DBF4: variants seen among roughly 807,000 people sequenced by gnomAD.
The protein encoded by DBF4 is protein DBF4 homolog A.
In DBF4, 25 loss-of-function variants were observed where a neutral mutation model predicts 76.6. The observed-to-expected ratio is 0.33, with a 90% confidence interval of 0.24 to 0.46. The LOEUF (loss-of-function observed/expected upper bound fraction) is 0.46, where lower values mean the gene tolerates loss of function less well. Among genes scored for constraint, DBF4 ranks in the 20% least tolerant of loss-of-function variants. DBF4 has a pLI of 1.00. For synonymous variants in DBF4, 213 were observed against 258.0 expected (o/e 0.83, Z 1.67); for missense variants, 638 against 760.8 (o/e 0.84, Z 1.90).
At chr7:87,886,439 G>A (rs1839353798) in intron 3 of DBF4, among the ~76,000 whole-genome samples, 1 of 149,734 alleles carries the variant, frequency 6.7e-6, no homozygotes, top group African/African-American at 2.5e-5. Context: ...GGAGGCTGGG[G>A]CAGGAGAATC....
chr7:87,907,327 T>A lies in DBF4; in HGVS notation c.1189T>A (p.Phe397Ile). The A allele has an allele frequency of 6.2e-7, 1 of 1,614,014 alleles. No individual in the cohort carries two copies. The highest frequency in any genetic ancestry group is 8.5e-7 in the Non-Finnish European group (1 of 1,179,932). The change falls in exon 12 of 12, where the codon TTC becomes ATC. Residue 397 changes from phenylalanine (F) to isoleucine (I), a missense_variant. Transcript: ENST00000265728. ...TGATACAACAGTGAAGGAGCAGAAT[T>A]TCCTGTATAAAGAGACCCAGGAAAC... ...EDDTTVKEQN[F>I]LYKETQETEK...
Position 87,907,332 on chromosome 7 carries a change from G to C in DBF4, c.1194G>C (p.Leu398=), listed in dbSNP as rs1463657546. The change falls in exon 12 of 12, where the codon CTG becomes CTC. Residue 398 remains leucine (L), a synonymous_variant. Coordinates refer to ENST00000265728, the MANE Select transcript of DBF4 (RefSeq NM_006716.4). ...CAACAGTGAAGGAGCAGAATTTCCTGTATAAAGAGACCCAGGAAACTGAAA... is the reference window on the plus strand; with the variant it reads ...CAACAGTGAAGGAGCAGAATTTCCTCTATAAAGAGACCCAGGAAACTGAAA... ...DDTTVKEQNF[L]YKETQETEKK... The C allele has an allele frequency of 1.9e-6, 3 of 1,613,862 alleles. No homozygotes were observed. In the African/African-American group the frequency reaches 4.0e-5, roughly 22 times the overall value.
At chr7:87,897,392 A>C in intron 8 of DBF4, 53 bp downstream of exon 8, 1 of 1,528,216 alleles carries the variant, frequency 6.5e-7, no homozygotes, top group Non-Finnish European at 9.0e-7. Flanking sequence ...AAAGAGGAAA[A>C]TCACCTAACT....
intron 2 of DBF4, among the ~76,000 whole-genome samples, chr7:87,880,554 A>ATT (rs979966464): frequency 7.9e-5 from 12 of 152,196 alleles, no homozygotes; most frequent in African/African-American, 2.9e-4. Flanking sequence ...TCTTCAGCAC[A>ATT]TTTACTGTTT....
chr7:87,885,066 T>G lies in DBF4; in HGVS notation c.307T>G (p.Ser103Ala). 6.2e-7 allele frequency: 1 copy of G among 1,613,864 alleles called. No individual in the cohort carries two copies. The highest frequency in any genetic ancestry group is 8.5e-7 in the Non-Finnish European group (1 of 1,179,774). Reference protein sequence around the residue: ...AKFAQTLGRISPVPSPESAYT... With the variant: ...AKFAQTLGRIAPVPSPESAYT... ...ATTTGCACAAACCTTGGGTCGAATT[T>G]CTCCTGTACCAAGTCCAGAATCTGC... is the stretch of plus-strand genomic sequence containing the variant. The change falls in exon 3 of 12, where the codon TCT (serine) becomes GCT (alanine). Residue 103 changes from serine to alanine, a missense_variant. Ser to Ala is a moderately conservative substitution (Grantham distance 99). Transcript: ENST00000265728.
chr7:87,878,044 C>G lies in DBF4; in HGVS notation c.47-9C>G. 6.3e-7 allele frequency: 1 copy of G among 1,579,932 alleles called. No individual in the cohort carries two copies. The highest frequency in any genetic ancestry group is 8.6e-7 in the Non-Finnish European group (1 of 1,164,938). Reference sequence around the variant, plus strand: ...GTGTAAAACATCTGATTCTAAACATCTTTAATAGGTGGAATCCAAGTCAAA... The same window carrying G: ...GTGTAAAACATCTGATTCTAAACATGTTTAATAGGTGGAATCCAAGTCAAA... On this transcript the variant is annotated splice_polypyrimidine_tract_variant and intron_variant, in intron 1 of 11. Coordinates refer to ENST00000265728, the MANE Select transcript of DBF4 (RefSeq NM_006716.4).
chr7:87,897,224 A>G lies in DBF4; in HGVS notation c.635-70A>G, dbSNP rs143895509. 4.2e-5 allele frequency: 60 copies of G among 1,428,182 alleles called. No homozygotes were observed. The African/African-American group carries it at 9.8e-4, about 23-fold the overall frequency. The allele number at this position is 1,428,182 out of a possible 1,614,324, so 88.5% of individuals were successfully genotyped here. ...TGTTTGGAGGGTTTTGTTTTGCCAC[A>G]GTAGTTTTATTAAAAAAAAAAAAGA... On this transcript the variant is annotated intron_variant, in intron 7 of 11. Transcript: ENST00000265728.
In DBF4 at chr7:87,876,588, C is replaced by T. The variant is rs370762101; in HGVS notation, c.-145C>T. On this transcript the variant is annotated 5_prime_UTR_variant, in exon 1 of 12. It adds an upstream start codon to the 5' untranslated region. Transcript: ENST00000265728. Reference sequence around the variant, plus strand: ...CGGCCCCGGAAACCCGACCTGCAGACGCGGTACCTCTACTGCGTAGAGGCC... The same window carrying T: ...CGGCCCCGGAAACCCGACCTGCAGATGCGGTACCTCTACTGCGTAGAGGCC... The T allele has an allele frequency of 9.3e-5, 81 of 870,886 alleles. No homozygotes were observed. Among genetic ancestry groups the T allele is most frequent in the East Asian group, 5.0e-4 (19 of 37,700 alleles). 53.9% of individuals were successfully genotyped at this position (870,886 alleles called of 1,614,324 possible). A position where few individuals can be genotyped will look rare whatever the true frequency, so the allele number is the denominator to read the frequency against.
rs1437411397 is a variant in DBF4, at chr7:87,876,761, G to A, written c.29G>A (p.Ser10Asn). The change falls in exon 1 of 12, where the codon AGT (serine) becomes AAT (asparagine). Residue 10 changes from serine (S) to asparagine (N), a missense_variant. Physicochemically the swap from Ser to Asn is conservative, Grantham distance 46 (BLOSUM62 1). Coordinates refer to ENST00000265728, the MANE Select transcript of DBF4 (RefSeq NM_006716.4). ...AACTCCGGAGCCATGAGGATCCACAGTAAAGGACATTTCCAGGGTAAGAAG... is the reference window on the plus strand; with the variant it reads ...AACTCCGGAGCCATGAGGATCCACAATAAAGGACATTTCCAGGGTAAGAAG... The part of the protein sequence containing the change: MNSGAMRIH[S>N]KGHFQGGIQV... 3 of 1,614,172 alleles carry A rather than the reference G, an allele frequency of 1.9e-6. No homozygotes were observed. The highest frequency in any genetic ancestry group is 2.5e-6 in the Non-Finnish European group (3 of 1,180,004).
rs1839980349 is a variant in DBF4, at chr7:87,909,044, C to G, written c.*881C>G. On this transcript the variant is annotated 3_prime_UTR_variant, in exon 12 of 12. Coordinates refer to ENST00000265728, the MANE Select transcript of DBF4 (RefSeq NM_006716.4). ...TGAGCCAAGATTGTGCCACTGTATT[C>G]CAGACTGGGTGACAGAGTGAGACTC... 1 of 152,038 alleles carries G rather than the reference C, an allele frequency of 6.6e-6. No individual in the cohort carries two copies. Among genetic ancestry groups the G allele is most frequent in the South Asian group, 2.1e-4 (1 of 4,808 alleles). 9.4% of individuals were successfully genotyped at this position (152,038 alleles called of 1,614,324 possible). A position where few individuals can be genotyped will look rare whatever the true frequency, so the allele number is the denominator to read the frequency against.
chr7:87,892,469 T>A (rs1354829883), intron 6 of DBF4, among the ~76,000 whole-genome samples: 1 of 152,210 alleles, frequency 6.6e-6, no homozygotes. Context: ...TGCAGCACAG[T>A]TTATCCATTT....
At position 87,881,442 on chromosome 7, in the gene DBF4, C is replaced by T. The variant is rs552886026; in HGVS notation, c.219+3217C>T. On this transcript the variant is annotated intron_variant, in intron 2 of 11. Transcript: ENST00000265728. ...TAAAATAAAAAATGAATCCTTATGT[C>T]CATCCCATCCTCATGTTCTAACCTA... 3.9e-5 allele frequency among the ~76,000 whole-genome samples: 6 copies of T among 152,226 alleles called. No individual in the cohort carries two copies. The South Asian group carries it at 1.2e-3, about 32-fold the overall frequency.
intron 6 of DBF4, among the ~76,000 whole-genome samples, chr7:87,891,683 C>T (rs1249282669): frequency 6.6e-6 from 1 of 152,118 alleles, no homozygotes; most frequent in Non-Finnish European, 1.5e-5. Context: ...CTTAGTCAAT[C>T]TGGCTAGTTT....
intron 2 of DBF4, 21 bp from the exon 3 acceptor site, chr7:87,884,958 A>C (rs1404353204): frequency 2.5e-6 from 4 of 1,569,518 alleles, no homozygotes; most frequent in Non-Finnish European, 3.5e-6. Flanking sequence ...TTATAAATAA[A>C]AATACTTTGT....
At chr7:87,907,144 G>T in intron 11 of DBF4, 44 bp from the exon 12 acceptor site, 1 of 1,457,498 alleles carries the variant, frequency 6.9e-7, no homozygotes, top group South Asian at 1.5e-5. Flanking sequence ...AATTTGTTTT[G>T]ATAGCAATTA....
rs1005104003 is a variant in DBF4 at position 87,884,966 on chromosome 7, T to C, written c.220-13T>C. 1 of 1,582,408 alleles carries C rather than the reference T, an allele frequency of 6.3e-7. No homozygotes were observed. Among genetic ancestry groups the C allele is most frequent in the Non-Finnish European group, 8.6e-7 (1 of 1,156,830 alleles). The stretch of plus-strand genomic sequence containing the variant: ...AACAAATTTATAAATAAAAATACTT[T>C]GTTCTCTTCTAGCGAGTTGAAGAAT... On this transcript the variant is annotated splice_polypyrimidine_tract_variant and intron_variant, in intron 2 of 11. Transcript: ENST00000265728.
Position 87,908,265 on chromosome 7 carries a change from T to C in DBF4, c.*102T>C, listed in dbSNP as rs1258338767. The stretch of plus-strand genomic sequence containing the variant: ...TTAGGATTTTTTTACCAGCTTTGTT[T>C]ACAGACCCAAATGTAAATATTAAAA... On this transcript the variant is annotated 3_prime_UTR_variant, in exon 12 of 12. Transcript: ENST00000265728. 7.6e-6 allele frequency: 9 copies of C among 1,179,064 alleles called. No individual in the cohort carries two copies. The highest frequency in any genetic ancestry group is 7.8e-6 in the Non-Finnish European group (7 of 892,778). 73.0% of individuals were successfully genotyped at this position (1,179,064 alleles called of 1,614,324 possible). A position where few individuals can be genotyped will look rare whatever the true frequency, so the allele number is the denominator to read the frequency against.
At chr7:87,890,682 G>C (rs1839464445) in intron 6 of DBF4, among the ~76,000 whole-genome samples, 1 of 152,184 alleles carries the variant, frequency 6.6e-6, no homozygotes, top group South Asian at 2.1e-4. Flanking sequence ...TGCCTAGTCA[G>C]TGTCTTGAGT....
chr7:87,884,922 G>A, intron 2 of DBF4, 57 bp from the exon 3 acceptor site: 1 of 1,339,222 alleles, frequency 7.5e-7, no homozygotes, highest in Non-Finnish European at 1.0e-6. Context: ...GGATAACACA[G>A]TGAGACCGTG....
Sources: allele counts gnomAD v4.1 joint callset (sites outside exome capture counted in the v4.1 genomes callset), GRCh38; gene constraint gnomAD v4.1.1; transcripts MANE v1.5; gene names NCBI Gene and HGNC (gene_info 2026-07-23, HGNC 2026-07-21).